CD2AP: variants seen among roughly 807,000 people sequenced by gnomAD.
CD2AP encodes CD2 associated protein.
A neutral mutation model predicts 85.1 loss-of-function variants in CD2AP; 46 were observed. The ratio of observed to expected loss-of-function variants is 0.54; its 90% confidence interval spans 0.43 to 0.69. CD2AP has a LOEUF of 0.69. CD2AP is among the 30% of genes least tolerant of loss of function. CD2AP has a pLI of 0.00. For synonymous variants in CD2AP, 255 were observed against 252.9 expected (o/e 1.01, Z -0.08); for missense variants, 769 against 729.5 (o/e 1.05, Z -0.62).
intron 14 of CD2AP, among the ~76,000 whole-genome samples, chr6:47,606,879 TTA>T (rs1769290786): frequency 6.6e-6 from 1 of 152,070 alleles, no homozygotes; most frequent in Non-Finnish European, 1.5e-5. Context: ...TGACTAGTAG[TTA>T]CCCTGATGCT....
chr6:47,600,836 C>T (rs979357115), intron 13 of CD2AP, among the ~76,000 whole-genome samples: 4 of 151,790 alleles, frequency 2.6e-5, no homozygotes, highest in African/African-American at 9.7e-5. Flanking sequence ...TGAAGAAAAG[C>T]AGATTATTTG....
intron 11 of CD2AP, among the ~76,000 whole-genome samples, chr6:47,585,734 A>G (rs1768610097): frequency 7.2e-6 from 1 of 139,342 alleles, no homozygotes; most frequent in African/African-American, 2.5e-5. Context: ...ATGCATGAAA[A>G]GAAATTTCCA....
chr6:47,589,465 TAC>T (rs1272090886), intron 11 of CD2AP, among the ~76,000 whole-genome samples: 45 of 147,662 alleles, frequency 3.0e-4, no homozygotes, highest in Middle Eastern at 3.6e-3. Flanking sequence ...TATACATATA[TAC>T]ACACACATAT....
At chr6:47,513,276 CA>C (rs1766366739) in intron 2 of CD2AP, among the ~76,000 whole-genome samples, 1 of 152,022 alleles carries the variant, frequency 6.6e-6, no homozygotes, top group Non-Finnish European at 1.5e-5. Flanking sequence ...ATCCATAAGC[CA>C]ACCAACATTC....
chr6:47,541,932 G>A (rs1168885269), intron 3 of CD2AP, among the ~76,000 whole-genome samples: 1 of 152,112 alleles, frequency 6.6e-6, no homozygotes, highest in African/African-American at 2.4e-5. Context: ...TACTTCTTAG[G>A]ATTCTCCTTT....
intron 6 of CD2AP, 50 bp downstream of exon 6, chr6:47,574,301 C>A: frequency 6.6e-7 from 1 of 1,518,136 alleles, no homozygotes; most frequent in Non-Finnish European, 9.1e-7. Context: ...TCTCATTAAG[C>A]ATTTTTTAAA....
At chr6:47,549,994 A>G (rs1767470058) in intron 4 of CD2AP, among the ~76,000 whole-genome samples, 1 of 152,208 alleles carries the variant, frequency 6.6e-6, no homozygotes, top group African/African-American at 2.4e-5. Flanking sequence ...CACTGGAATA[A>G]TTGGCTAGCC....
intron 5 of CD2AP, among the ~76,000 whole-genome samples, chr6:47,556,053 T>C (rs1767674260): frequency 7.1e-6 from 1 of 141,382 alleles, no homozygotes; most frequent in Non-Finnish European, 1.5e-5. Context: ...TTTTTTCCTT[T>C]TCTTTTTTTT....
intron 2 of CD2AP, among the ~76,000 whole-genome samples, chr6:47,531,081 C>T (rs1766862346): frequency 6.6e-6 from 1 of 151,930 alleles, no homozygotes; most frequent in Non-Finnish European, 1.5e-5. Context: ...AAGATGCTAT[C>T]TCTACCCAAA....
At chr6:47,602,664 A>G (rs1769170949) in intron 13 of CD2AP, among the ~76,000 whole-genome samples, 1 of 151,720 alleles carries the variant, frequency 6.6e-6, no homozygotes, top group African/African-American at 2.4e-5. Flanking sequence ...TCCAGGAGTT[A>G]GAGACTAGCC....
chr6:47,596,615 T>A (rs1385042327), intron 12 of CD2AP, among the ~76,000 whole-genome samples: 2 of 152,124 alleles, frequency 1.3e-5, no homozygotes, highest in African/African-American at 4.8e-5. Context: ...TATGGCTGAA[T>A]GGTATTCTTT....
intron 12 of CD2AP, among the ~76,000 whole-genome samples, chr6:47,596,285 A>G (rs747544003): frequency 1.3e-5 from 2 of 152,122 alleles, no homozygotes; most frequent in Non-Finnish European, 2.9e-5. Flanking sequence ...AACACTTAAC[A>G]TTCACTCTTA....
At chr6:47,576,721 G>T (rs1768323595) in intron 7 of CD2AP, 119 bp downstream of exon 7, 1 of 802,788 alleles carries the variant, frequency 1.2e-6, no homozygotes. Context: ...TCTATTAGAT[G>T]TAAGCACCAT....
At chr6:47,594,931 A>G (rs1768897970) in intron 11 of CD2AP, among the ~76,000 whole-genome samples, 1 of 152,088 alleles carries the variant, frequency 6.6e-6, no homozygotes, top group Admixed American at 6.6e-5. Context: ...AATCTTACAG[A>G]ATTATTTGTG....
chr6:47,559,644 A>C (rs1392604545), intron 5 of CD2AP, among the ~76,000 whole-genome samples: 1 of 152,180 alleles, frequency 6.6e-6, no homozygotes, highest in African/African-American at 2.4e-5. Context: ...GATTTCTAGA[A>C]ATCATTAAGA....
chr6:47,606,982 A>G (rs1769293936), intron 14 of CD2AP, among the ~76,000 whole-genome samples: 1 of 151,952 alleles, frequency 6.6e-6, no homozygotes, highest in Admixed American at 6.6e-5. Flanking sequence ...CACCCTTCCC[A>G]GCCTCTGATA....
rs1453233864 is a variant in CD2AP at position 47,478,051 on chromosome 6, C to T, written c.-194C>T. ...GCTGTCGCCGCCTTTGCCTCTGCCT[C>T]GAGGGCCGCGCTGAAGAGACTGGTA... On this transcript the variant is annotated 5_prime_UTR_variant, in exon 1 of 18. Transcript: ENST00000359314. 3 of 700,792 alleles carry T rather than the reference C, an allele frequency of 4.3e-6. No homozygotes were observed. Among genetic ancestry groups the T allele is most frequent in the South Asian group, 3.7e-5 (2 of 54,064 alleles). 43.4% of individuals were successfully genotyped at this position (700,792 alleles called of 1,614,324 possible). A position where few individuals can be genotyped will look rare whatever the true frequency, so the allele number is the denominator to read the frequency against.
chr6:47,518,027 T>C lies in CD2AP; in HGVS notation c.165+14587T>C, dbSNP rs958586337. ...TCCCCCTAGGTAGAATGGTTAAATA[T>C]TGTTTTGTAAAACTTTTGTGTCAGG... is the stretch of plus-strand genomic sequence containing the variant. On this transcript the variant is annotated intron_variant, in intron 2 of 17. Coordinates refer to ENST00000359314, the MANE Select transcript of CD2AP (RefSeq NM_012120.3). Among the ~76,000 whole-genome samples the C allele has an allele frequency of 2.0e-5, 3 of 152,322 alleles. No individual in the cohort carries two copies. In the East Asian group the frequency reaches 5.8e-4, roughly 29 times the overall value.
intron 17 of CD2AP, among the ~76,000 whole-genome samples, chr6:47,621,342 C>T (rs1178878369): frequency 2.0e-5 from 3 of 152,140 alleles, no homozygotes; most frequent in African/African-American, 4.8e-5. Context: ...TGGTATATCA[C>T]ATTTATTGAC....
Sources: gnomAD v4.1 joint callset for allele counts (sites outside exome capture counted in the v4.1 genomes callset) on GRCh38, gnomAD v4.1.1 for gene constraint, MANE v1.5 for transcripts, NCBI Gene and HGNC (gene_info 2026-07-23, HGNC 2026-07-21) for gene names.